PTDSS2: variants seen among roughly 807,000 people sequenced by gnomAD.
PTDSS2 encodes the protein PSS-2.
A neutral mutation model predicts 64.7 loss-of-function variants in PTDSS2; 41 were observed. The observed-to-expected ratio is 0.63, with a 90% confidence interval of 0.49 to 0.82. PTDSS2 has a LOEUF of 0.82. Ranked by LOEUF, PTDSS2 falls within the 40% of genes least tolerant of loss-of-function variation. The pLI, the probability that PTDSS2 is intolerant of heterozygous loss-of-function variation, is 0.00. For missense variants in PTDSS2, 485 were observed against 650.0 expected (o/e 0.75, Z 2.76); for synonymous variants, 297 against 277.8 (o/e 1.07, Z -0.69).
chr11:456,846 C>T (rs1352397540), intron 1 of PTDSS2, among the ~76,000 whole-genome samples: 1 of 152,192 alleles, frequency 6.6e-6, no homozygotes, highest in Non-Finnish European at 1.5e-5. Context: ...CTGCGGTTTC[C>T]TCATGGCTTA....
chr11:484,545 TGCACGGGC>T (rs147084192), intron 4 of PTDSS2, among the ~76,000 whole-genome samples: 3,836 of 150,850 alleles, frequency 0.025, 157 homozygotes, highest in African/African-American at 0.089. Flanking sequence ...GTGTAAACAG[TGCACGGGC>T]GCGTGTGTGC....
chr11:449,213 G>A (rs956906781), upstream of PTDSS2, among the ~76,000 whole-genome samples: 2 of 152,006 alleles, frequency 1.3e-5, no homozygotes, highest in Non-Finnish European at 2.9e-5. Context: ...GATTACAAGC[G>A]CCCGCCACAA....
chr11:450,670 G>T, intron 1 of PTDSS2, 33 bp downstream of exon 1: 1 of 1,241,990 alleles, frequency 8.1e-7, no homozygotes, highest in Non-Finnish European at 1.0e-6. Context: ...GGGCGGCGAG[G>T]GTGCCCTCGA....
At chr11:474,033 C>T (rs72851118) in intron 3 of PTDSS2, 56 bp downstream of exon 3, 258,010 of 1,393,596 alleles carry the variant, frequency 0.19, 24,720 homozygotes, top group African/African-American at 0.29. Context: ...TCTGAGCGGC[C>T]ACTCTGTGTC....
At chr11:451,275 C>A in intron 1 of PTDSS2, 1 of 391,532 alleles carries the variant, frequency 2.6e-6, no homozygotes. Context: ...GTCCCCCTGT[C>A]CGCCACTCTG....
At position 490,821 on chromosome 11, in the gene PTDSS2, CACAT is replaced by C; in HGVS notation, c.*240_*243del. 6.5e-6 allele frequency: 3 copies of C among 459,120 alleles called. No homozygotes were observed. The highest frequency in any genetic ancestry group is 7.7e-6 in the Non-Finnish European group (2 of 260,052). The allele number at this position is 459,120 out of a possible 1,614,324, so 28.4% of individuals were successfully genotyped here. On this transcript the variant is annotated 3_prime_UTR_variant, in exon 12 of 12. Coordinates refer to ENST00000308020, the MANE Select transcript of PTDSS2 (RefSeq NM_030783.3). ...GTACGCGTGTGTACGCGCGTGTGTA[CACAT>C]GCGTGGCCGCCTGTGGTGTGCACGT...
At chr11:459,388 G>A (rs1846765312) in intron 1 of PTDSS2, 2 of 151,430 alleles carry the variant, frequency 1.3e-5, no homozygotes, top group Non-Finnish European at 2.9e-5. Flanking sequence ...ACACTCTGGT[G>A]GATGTAGGAC....
intron 2 of PTDSS2, among the ~76,000 whole-genome samples, chr11:471,350 C>T (rs1391135133): frequency 2.6e-5 from 4 of 152,250 alleles, no homozygotes; most frequent in African/African-American, 9.6e-5. Flanking sequence ...CTACCTCAGC[C>T]TCCCAAAGTG....
At chr11:459,902 C>G (rs1406212414) in intron 1 of PTDSS2, 1 of 440,534 alleles carries the variant, frequency 2.3e-6, no homozygotes, top group East Asian at 4.0e-5. Flanking sequence ...GCCCTGGACG[C>G]CAGTGGCAGC....
At chr11:463,269 CCA>C (rs1846978634) in intron 2 of PTDSS2, 1 of 151,912 alleles carries the variant, frequency 6.6e-6, no homozygotes, top group Non-Finnish European at 1.5e-5. Context: ...GCTCTGTACC[CCA>C]GGCTGGAGTG....
rs1232225087 is a variant in PTDSS2 at position 489,658 on chromosome 11, T to C, written c.1040T>C (p.Val347Ala). Residue 347 changes from valine to alanine, a missense_variant, in exon 10 of 12, where the codon GTC (valine) becomes GCC (alanine). By Grantham distance (64) the Val-to-Ala change is moderately conservative. This residue lies in a region of PTDSS2 where 219 missense variants were observed against 257.3 expected (regional missense o/e 0.85). Coordinates refer to ENST00000308020, the MANE Select transcript of PTDSS2 (RefSeq NM_030783.3). ...VLWMPPEHYL[V>A]LLRLVFFVNV... The stretch of plus-strand genomic sequence containing the variant: ...TGGATGCCCCCGGAGCACTACCTGG[T>C]CCTCCTGCGGCTCGTCTTCTTCGTG... The C allele has an allele frequency of 6.2e-7, 1 of 1,602,762 alleles. No individual in the cohort carries two copies. The highest frequency in any genetic ancestry group is 8.5e-7 in the Non-Finnish European group (1 of 1,174,720).
In PTDSS2 at chr11:479,342, A is replaced by C. The variant is rs1429413851; in HGVS notation, c.435+190A>C. On this transcript the variant is annotated intron_variant, in intron 4 of 11. Coordinates refer to ENST00000308020, the MANE Select transcript of PTDSS2 (RefSeq NM_030783.3). The surrounding 1 kb of genome is among the most constrained non-coding windows in gnomAD (Gnocchi z 4.2). ...GTGCGGCCCTTGAGTGATGGGGGGC[A>C]GCAAAGCTAGACCTTCAAAACGTAG... is the stretch of plus-strand genomic sequence containing the variant. The C allele has an allele frequency of 7.8e-6, 5 of 640,086 alleles. No individual in the cohort carries two copies. The East Asian group carries it at 1.1e-4, about 14-fold the overall frequency. 39.7% of individuals were successfully genotyped at this position (640,086 alleles called of 1,614,324 possible). A position where few individuals can be genotyped will look rare whatever the true frequency, so the allele number is the denominator to read the frequency against.
At position 460,390 on chromosome 11, in the gene PTDSS2, AC is replaced by A; in HGVS notation, c.284+104del. 1 of 924,110 alleles carries A rather than the reference AC, an allele frequency of 1.1e-6. No homozygotes were observed. The highest frequency in any genetic ancestry group is 1.7e-6 in the Non-Finnish European group (1 of 581,002). 57.2% of individuals were successfully genotyped at this position (924,110 alleles called of 1,614,324 possible). A position where few individuals can be genotyped will look rare whatever the true frequency, so the allele number is the denominator to read the frequency against. ...GCTGCCGGGGGCTCAGAAGGCCTTC[AC>A]CAGAGGGCTGCGTGGGGCCGCCGGC... On this transcript the variant is annotated intron_variant, in intron 2 of 11. Transcript: ENST00000308020. The surrounding 1 kb of genome is among the most constrained non-coding windows in gnomAD (Gnocchi z 5.8).
intron 2 of PTDSS2, among the ~76,000 whole-genome samples, chr11:466,434 A>T (rs1847145281): frequency 7.3e-6 from 1 of 137,560 alleles, no homozygotes; most frequent in African/African-American, 2.8e-5. Flanking sequence ...GAGACAGAGT[A>T]TTGCTCTGTT....
chr11:461,289 C>A lies in PTDSS2; in HGVS notation c.284+1001C>A, dbSNP rs1361882772. ...TCACGCTTGCACGGGCGTTGGTGGC[C>A]CTGTTTGCCCACTGATTTGACACCA... On this transcript the variant is annotated intron_variant, in intron 2 of 11. Coordinates refer to ENST00000308020, the MANE Select transcript of PTDSS2 (RefSeq NM_030783.3). The surrounding 1 kb of genome is among the most constrained non-coding windows in gnomAD (Gnocchi z 4.2). Among the ~76,000 whole-genome samples, 2 of 152,148 alleles carry A rather than the reference C, an allele frequency of 1.3e-5. No individual in the cohort carries two copies. Among genetic ancestry groups the A allele is most frequent in the Admixed American group, 6.5e-5 (1 of 15,274 alleles).
intron 1 of PTDSS2, among the ~76,000 whole-genome samples, chr11:455,008 G>A (rs11821392): frequency 0.22 from 34,023 of 151,232 alleles, 4,338 homozygotes; most frequent in African/African-American, 0.35. Context: ...GGGTGGGGCC[G>A]AGTGCAGCCT....
At position 460,334 on chromosome 11, in the gene PTDSS2, G is replaced by A. The variant is rs1025873307; in HGVS notation, c.284+46G>A. The A allele has an allele frequency of 1.0e-5, 15 of 1,491,472 alleles. No homozygotes were observed. Among genetic ancestry groups the A allele is most frequent in the East Asian group, 4.6e-5 (2 of 43,744 alleles). 92.4% of individuals were successfully genotyped at this position (1,491,472 alleles called of 1,614,324 possible). On this transcript the variant is annotated intron_variant, in intron 2 of 11. Coordinates refer to ENST00000308020, the MANE Select transcript of PTDSS2 (RefSeq NM_030783.3). This position sits in a 1 kb window ranked among gnomAD's most constrained non-coding sequence, Gnocchi z 5.8. ...GCCTTCTGAAACTGCCCTGTGCCCCGTGTGGTGGGTGTGGCACCCTTACTG... is the reference window on the plus strand; with the variant it reads ...GCCTTCTGAAACTGCCCTGTGCCCCATGTGGTGGGTGTGGCACCCTTACTG...
intron 8 of PTDSS2, 139 bp downstream of exon 8, chr11:488,786 C>T: frequency 1.5e-6 from 1 of 675,298 alleles, no homozygotes; most frequent in Non-Finnish European, 2.7e-6. Flanking sequence ...GCTTTGCCTC[C>T]TGGAACCTCC....
chr11:469,314 CGGAG>C (rs778236231), intron 2 of PTDSS2, among the ~76,000 whole-genome samples: 4,316 of 60,900 alleles, frequency 0.071, 235 homozygotes, highest in African/African-American at 0.11. Context: ...TCTGGGTAAT[CGGAG>C]GGAGGAGGAG....
Sources: allele counts gnomAD v4.1 joint callset (sites outside exome capture counted in the v4.1 genomes callset), GRCh38; gene constraint gnomAD v4.1.1; regional missense constraint gnomAD v4.1.1; non-coding constraint Gnocchi (gnomAD v3.1); transcripts MANE v1.5; gene names NCBI Gene and HGNC (gene_info 2026-07-23, HGNC 2026-07-21).